BMP7: variants seen among roughly 807,000 people sequenced by gnomAD.
BMP7 encodes the protein osteogenic protein 1.
Under a neutral mutation model 41.2 loss-of-function variants are expected in BMP7, and 12 were observed. The ratio of observed to expected loss-of-function variants is 0.29; its 90% confidence interval spans 0.19 to 0.47. The LOEUF (loss-of-function observed/expected upper bound fraction) is 0.47. Ranked by LOEUF, BMP7 falls within the 20% of genes least tolerant of loss-of-function variation. The pLI is 0.99. For missense variants in BMP7, 467 were observed against 606.0 expected, an observed-to-expected ratio of 0.77 and a Z score of 2.41; for synonymous variants, 248 against 250.0, an observed-to-expected ratio of 0.99 and a Z score of 0.07.
chr20:57,243,694 C>T lies in BMP7; in HGVS notation c.419-15273G>A, dbSNP rs577712031. Among the ~76,000 whole-genome samples the T allele has an allele frequency of 2.4e-4, 37 of 152,202 alleles. No homozygotes were observed. The East Asian group carries it at 6.2e-3, about 26-fold the overall frequency. On this transcript the variant is annotated intron_variant, in intron 1 of 6. Transcript: ENST00000395863. ...GTAATTGTTAGACGTGCCAAGTTCA[C>T]GACCGCAGAGGCTTTGCTCCAGGCC...
At chr20:57,172,728 C>G (rs560657915) in intron 6 of BMP7, among the ~76,000 whole-genome samples, 26 of 152,324 alleles carry the variant, frequency 1.7e-4, no homozygotes, top group Admixed American at 3.3e-4. Context: ...TGGAATCTTC[C>G]TGGTGACCCC....
At chr20:57,218,252 A>G (rs915549066) in intron 2 of BMP7, among the ~76,000 whole-genome samples, 5 of 152,252 alleles carry the variant, frequency 3.3e-5, no homozygotes, top group African/African-American at 1.2e-4. Flanking sequence ...ATTCATGATG[A>G]AAACTCCTAG....
intron 1 of BMP7, among the ~76,000 whole-genome samples, chr20:57,240,453 A>G (rs1473421090): frequency 2.6e-5 from 4 of 152,192 alleles, no homozygotes; most frequent in African/African-American, 9.6e-5. Flanking sequence ...AAACTTTTCC[A>G]CATTTTCCTA....
rs553194892 is a variant in BMP7, at chr20:57,235,009, G to A, written c.419-6588C>T. Among the ~76,000 whole-genome samples, 9 of 152,344 alleles carry A rather than the reference G, an allele frequency of 5.9e-5. No individual in the cohort carries two copies. In the South Asian group the frequency reaches 1.0e-3, roughly 18 times the overall value. On this transcript the variant is annotated intron_variant, in intron 1 of 6. Coordinates refer to ENST00000395863, the MANE Select transcript of BMP7 (RefSeq NM_001719.3). ...AACATTTATTACCAGCTCCGAAGTC[G>A]TCCCGACAGGGGTCCCTCCCAAACA...
intron 1 of BMP7, among the ~76,000 whole-genome samples, chr20:57,236,039 C>T (rs1250241715): frequency 6.6e-6 from 1 of 152,166 alleles, no homozygotes; most frequent in Non-Finnish European, 1.5e-5. Flanking sequence ...TCCCTCCTGG[C>T]ACCCGAGGTA....
intron 3 of BMP7, among the ~76,000 whole-genome samples, chr20:57,199,148 C>A (rs888885885): frequency 2.0e-5 from 3 of 152,294 alleles, no homozygotes; most frequent in Admixed American, 6.5e-5. Context: ...CAGCTCGGGG[C>A]CAGGCACAAA....
intron 4 of BMP7, among the ~76,000 whole-genome samples, chr20:57,182,875 T>A (rs538505614): frequency 2.2e-4 from 34 of 152,394 alleles, no homozygotes; most frequent in African/African-American, 7.5e-4. Context: ...TTAATTTTTT[T>A]AAAACCTATC....
At chr20:57,260,807 C>G (rs1400501076) in intron 1 of BMP7, among the ~76,000 whole-genome samples, 1 of 152,220 alleles carries the variant, frequency 6.6e-6, no homozygotes, top group South Asian at 2.1e-4. Context: ...TAAGGCGAAG[C>G]CTTGCAGTGG....
At chr20:57,244,398 T>A (rs1462146978) in intron 1 of BMP7, among the ~76,000 whole-genome samples, 1 of 152,206 alleles carries the variant, frequency 6.6e-6, no homozygotes, top group African/African-American at 2.4e-5. Context: ...CTCAGCAGCT[T>A]CTCCGGAGAC....
rs1208918062 is a variant in BMP7, at chr20:57,170,754, G to C, written c.*205C>G. The C allele has an allele frequency of 6.1e-6, 4 of 660,292 alleles. No homozygotes were observed. The highest frequency in any genetic ancestry group is 1.0e-5 in the Non-Finnish European group (4 of 390,358). 40.9% of individuals were successfully genotyped at this position (660,292 alleles called of 1,614,324 possible). A position where few individuals can be genotyped will look rare whatever the true frequency, so the allele number is the denominator to read the frequency against. Reference sequence around the variant, plus strand: ...CTAGGTTTTGCCTGCACAGCTTGTAGGATCTTGTTCATTGGATGCTGCCAC... The same window carrying C: ...CTAGGTTTTGCCTGCACAGCTTGTACGATCTTGTTCATTGGATGCTGCCAC... On this transcript the variant is annotated 3_prime_UTR_variant, in exon 7 of 7. Transcript: ENST00000395863.
chr20:57,176,297 CTG>C (rs1412777274), intron 4 of BMP7, among the ~76,000 whole-genome samples: 1 of 152,190 alleles, frequency 6.6e-6, no homozygotes, highest in African/African-American at 2.4e-5. Context: ...TCAGAGGACA[CTG>C]TTGAGCTCCT....
In BMP7 at chr20:57,265,904, C is replaced by T. The variant is rs1225000220; in HGVS notation, c.219G>A (p.Gln73=). 1 of 1,589,386 alleles carries T rather than the reference C, an allele frequency of 6.3e-7. No individual in the cohort carries two copies. ...GLPHRPRPHL[Q]GKHNSAPMFM... ...ACATGGGTGCCGAGTTGTGCTTGCCCTGGAGGTGCGGGCGCGGGCGGTGGG... is the reference window on the plus strand; with the variant it reads ...ACATGGGTGCCGAGTTGTGCTTGCCTTGGAGGTGCGGGCGCGGGCGGTGGG... Residue 73 remains glutamine, a synonymous_variant, in exon 1 of 7, where the codon CAG becomes CAA. Coordinates refer to ENST00000395863, the MANE Select transcript of BMP7 (RefSeq NM_001719.3).
intron 3 of BMP7, among the ~76,000 whole-genome samples, chr20:57,190,985 A>T (rs1260497236): frequency 6.6e-6 from 1 of 152,150 alleles, no homozygotes; most frequent in African/African-American, 2.4e-5. Flanking sequence ...TCTCCATGTC[A>T]TGACAACCAA....
At chr20:57,241,256 T>C (rs2145442) in intron 1 of BMP7, among the ~76,000 whole-genome samples, 15,538 of 152,236 alleles carry the variant, frequency 0.1, 2,530 homozygotes, top group African/African-American at 0.35. Flanking sequence ...AGCTGAACCA[T>C]GCTCTGCTCT....
chr20:57,181,401 C>A (rs1346156179), intron 4 of BMP7, among the ~76,000 whole-genome samples: 9 of 151,290 alleles, frequency 5.9e-5, no homozygotes, highest in African/African-American at 1.7e-4. Context: ...GAGGCTCAGG[C>A]AGGAGGATTG....
intron 4 of BMP7, chr20:57,178,102 G>A (rs1983977900): frequency 6.6e-6 from 1 of 152,494 alleles, no homozygotes; most frequent in South Asian, 2.1e-4. Flanking sequence ...GTGCCAGCAG[G>A]CGCTCTTCTG....
At chr20:57,247,517 C>T (rs2066094947) in intron 1 of BMP7, among the ~76,000 whole-genome samples, 1 of 152,208 alleles carries the variant, frequency 6.6e-6, no homozygotes, top group South Asian at 2.1e-4. Flanking sequence ...CTCCCCTAAT[C>T]ATCTCCTCCA....
intron 3 of BMP7, 110 bp downstream of exon 3, chr20:57,202,365 G>A: frequency 7.0e-7 from 1 of 1,428,398 alleles, no homozygotes; most frequent in Non-Finnish European, 9.5e-7. Context: ...TACTGGTTGG[G>A]AGGGGCGGGG....
intron 2 of BMP7, 67 bp from the exon 3 acceptor site, chr20:57,202,690 T>C: frequency 1.2e-6 from 1 of 809,428 alleles, no homozygotes; most frequent in Non-Finnish European, 1.9e-6. Context: ...CCCCAACAGA[T>C]GGGAAGCAGA....
Sources: gnomAD v4.1 joint callset for allele counts (sites outside exome capture counted in the v4.1 genomes callset) on GRCh38, gnomAD v4.1.1 for gene constraint, MANE v1.5 for transcripts, NCBI Gene and HGNC (gene_info 2026-07-23, HGNC 2026-07-21) for gene names.